Variants in DNAH14 observed in about 807,000 individuals in gnomAD.
The protein encoded by DNAH14 is axonemal beta dynein heavy chain 14.
A neutral mutation model predicts 520.9 loss-of-function variants in DNAH14; 478 were observed. That is an observed-to-expected ratio of 0.92 (90% CI 0.85 to 0.99). DNAH14 has a LOEUF of 0.99. Among genes scored for constraint, DNAH14 ranks in the 50% least tolerant of loss-of-function variants. The pLI is 0.00. For missense variants in DNAH14, 4,831 were observed against 5,234.5 expected, an observed-to-expected ratio of 0.92 and a Z score of 2.38; for synonymous variants, 1,581 against 1,757.2, an observed-to-expected ratio of 0.90 and a Z score of 2.51.
chr1:225,346,351 A>G lies in DNAH14; in HGVS notation c.11068A>G (p.Ile3690Val), dbSNP rs2095285847. The change falls in exon 70 of 86, where the codon ATA (isoleucine) becomes GTA (valine). Residue 3690 changes from isoleucine (I) to valine (V), a missense_variant. Physicochemically the swap from Ile to Val is conservative, Grantham distance 29. Coordinates refer to ENST00000682510, the MANE Select transcript of DNAH14 (RefSeq NM_001367479.1). ...CTTAGATAAGCATATTAAAAGTGCA[A>G]TAGACATGTTGACAAAAAGTATTTT... Reference protein sequence around the residue: ...NLLDKHIKSAIDMLTKSIFKV... With the variant: ...NLLDKHIKSAVDMLTKSIFKV... 6 of 1,528,612 alleles carry G rather than the reference A, an allele frequency of 3.9e-6. No individual in the cohort carries two copies. The highest frequency in any genetic ancestry group is 1.4e-5 in the African/African-American group (1 of 71,312). The allele number at this position is 1,528,612 out of a possible 1,614,324, so 94.7% of individuals were successfully genotyped here.
At chr1:225,117,344 T>C (rs1012394085) in intron 23 of DNAH14, among the ~76,000 whole-genome samples, 1 of 151,352 alleles carries the variant, frequency 6.6e-6, no homozygotes, top group Admixed American at 6.6e-5. Context: ...TACAATACTT[T>C]ATTATTTTGA....
Position 225,399,084 on chromosome 1 carries a change from C to T in DNAH14, c.13669C>T (p.Gln4557Ter). The change falls in exon 86 of 86, where the codon CAG (glutamine) becomes TAG (stop). Residue 4557 changes from glutamine to a stop codon, truncating the protein, a stop_gained. Transcript: ENST00000682510. LOFTEE classifies it low-confidence loss of function (END_TRUNC). ...ISTKTPNASNQTDSELYAFEC... is the reference protein window; with the variant it reads ...ISTKTPNASN ...TACCAAAACACCAAATGCTTCCAACCAGACAGATTCAGAACTCTATGCTTT... is the reference window on the plus strand; with the variant it reads ...TACCAAAACACCAAATGCTTCCAACTAGACAGATTCAGAACTCTATGCTTT... 1 of 1,551,252 alleles carries T rather than the reference C, an allele frequency of 6.4e-7. No individual in the cohort carries two copies. Among genetic ancestry groups the T allele is most frequent in the East Asian group, 2.4e-5 (1 of 40,892 alleles).
At chr1:224,945,816 AC>A (rs1337223920) in intron 1 of DNAH14, among the ~76,000 whole-genome samples, 1 of 152,292 alleles carries the variant, frequency 6.6e-6, no homozygotes, top group Non-Finnish European at 1.5e-5. Flanking sequence ...ATATTGGTGA[AC>A]AGCAAATGTT....
intron 7 of DNAH14, chr1:224,969,295 G>A (rs77345779): frequency 0.054 from 8,956 of 166,746 alleles, 360 homozygotes; most frequent in Non-Finnish European, 0.076. Flanking sequence ...CTGGAACAAC[G>A]CAAGGGTTAG....
chr1:225,099,931 G>A (rs74147105), intron 22 of DNAH14, among the ~76,000 whole-genome samples: 3,758 of 152,150 alleles, frequency 0.025, 121 homozygotes, highest in African/African-American at 0.077. Context: ...TCAGAGCCAA[G>A]AGGAGTTTGA....
chr1:225,272,222 A>G, intron 51 of DNAH14, 149 bp downstream of exon 51: 3 of 726,792 alleles, frequency 4.1e-6, no homozygotes, highest in Non-Finnish European at 6.5e-6. Flanking sequence ...AGTTAGTTGA[A>G]GAAAAAATTG....
intron 10 of DNAH14, among the ~76,000 whole-genome samples, chr1:225,019,167 AAG>A (rs1384567041): frequency 2.6e-5 from 4 of 152,196 alleles, no homozygotes; most frequent in African/African-American, 9.7e-5. Flanking sequence ...TGCTGTCTCT[AAG>A]AGACCCATCT....
At chr1:224,942,629 T>C (rs1439116669) in intron 1 of DNAH14, among the ~76,000 whole-genome samples, 1 of 152,190 alleles carries the variant, frequency 6.6e-6, no homozygotes, top group Non-Finnish European at 1.5e-5. Flanking sequence ...CAGTATGATA[T>C]TGGCTGTGGG....
At chr1:225,227,643 T>C (rs77598467) in intron 41 of DNAH14, among the ~76,000 whole-genome samples, 4,007 of 152,110 alleles carry the variant, frequency 0.026, 157 homozygotes, top group African/African-American at 0.08. Flanking sequence ...CATCAATCAG[T>C]TTCATAGTCA....
At chr1:225,180,442 G>A (rs1180768816) in intron 36 of DNAH14, among the ~76,000 whole-genome samples, 1 of 152,142 alleles carries the variant, frequency 6.6e-6, no homozygotes, top group East Asian at 1.9e-4. Context: ...TCAAGATTTG[G>A]CACCTGGTGA....
At chr1:225,302,323 G>T (rs1221845748) in intron 56 of DNAH14, among the ~76,000 whole-genome samples, 1 of 151,734 alleles carries the variant, frequency 6.6e-6, no homozygotes, top group Non-Finnish European at 1.5e-5. Context: ...TATGAATTTT[G>T]CACTGAGCAG....
chr1:225,146,127 T>C (rs546889603), intron 30 of DNAH14, among the ~76,000 whole-genome samples: 1 of 152,288 alleles, frequency 6.6e-6, no homozygotes, highest in East Asian at 1.9e-4. Context: ...TAGTGGGGCC[T>C]ATGAGGGCTC....
intron 15 of DNAH14, among the ~76,000 whole-genome samples, chr1:225,049,760 GTCTATCTATCTACCTATCTATCTA>G (rs1462737983): frequency 3.0e-5 from 4 of 134,710 alleles, no homozygotes; most frequent in South Asian, 4.8e-4. Flanking sequence ...TTATCTATCT[GTCTATCTATCTACCTATCTATCTA>G]TCTATCTATC....
chr1:225,335,183 A>G (rs1246122833), intron 66 of DNAH14, among the ~76,000 whole-genome samples: 2 of 142,438 alleles, frequency 1.4e-5, no homozygotes, highest in African/African-American at 2.5e-5. Flanking sequence ...ACATGTGCGC[A>G]TGTGTGTATA....
intron 35 of DNAH14, among the ~76,000 whole-genome samples, chr1:225,163,604 G>A (rs1025212642): frequency 2.6e-5 from 4 of 152,196 alleles, no homozygotes; most frequent in Non-Finnish European, 5.9e-5. Flanking sequence ...AGCATCAATT[G>A]AAATGATTAT....
At chr1:225,186,550 GAAAAT>G (rs2084765292) in intron 37 of DNAH14, among the ~76,000 whole-genome samples, 2 of 151,580 alleles carry the variant, frequency 1.3e-5, no homozygotes, top group African/African-American at 2.4e-5. Context: ...GAGAAATTTG[GAAAAT>G]AAAATGTGAA....
chr1:225,238,635 C>G (rs1180331636), intron 42 of DNAH14, among the ~76,000 whole-genome samples: 1 of 152,076 alleles, frequency 6.6e-6, no homozygotes, highest in Non-Finnish European at 1.5e-5. Context: ...CTGGCTGCTT[C>G]TTGGTAGAGC....
chr1:225,172,539 A>C (rs1323928141), intron 36 of DNAH14, among the ~76,000 whole-genome samples: 1 of 152,218 alleles, frequency 6.6e-6, no homozygotes, highest in Non-Finnish European at 1.5e-5. Context: ...TAAAGTACCT[A>C]GGAATCCAAC....
chr1:225,063,944 A>T (rs1442701905), intron 17 of DNAH14, among the ~76,000 whole-genome samples: 5 of 152,064 alleles, frequency 3.3e-5, no homozygotes, highest in Non-Finnish European at 5.9e-5. Flanking sequence ...AAGAAATTTC[A>T]CAGACTTCTG....
Sources: allele counts gnomAD v4.1 joint callset (sites outside exome capture counted in the v4.1 genomes callset), GRCh38; gene constraint gnomAD v4.1.1; transcripts MANE v1.5; gene names NCBI Gene and HGNC (gene_info 2026-07-23, HGNC 2026-07-21).